Variants in ZFYVE28 observed in about 807,000 individuals in gnomAD.
The protein encoded by ZFYVE28 is zinc finger FYVE-type containing 28.
Under a neutral mutation model 82.1 loss-of-function variants are expected in ZFYVE28, and 40 were observed. The observed-to-expected ratio is 0.49, with a 90% CI of 0.38 to 0.63. The LOEUF (loss-of-function observed/expected upper bound fraction) is 0.63. ZFYVE28 is among the 30% of genes least tolerant of loss of function. The probability of loss-of-function intolerance (pLI) is 0.00; values close to 1 mark genes in which losing one functional copy is unlikely to be tolerated. For missense variants in ZFYVE28, 1,321 were observed against 1,242.1 expected, an observed-to-expected ratio of 1.06 and a Z score of -0.96; for synonymous variants, 612 against 546.1, an observed-to-expected ratio of 1.12 and a Z score of -1.68.
chr4:2,341,408 A>G lies in ZFYVE28; in HGVS notation c.318+70T>C. The G allele has an allele frequency of 6.3e-7, 1 of 1,584,856 alleles. No individual in the cohort carries two copies. The highest frequency in any genetic ancestry group is 8.6e-7 in the Non-Finnish European group (1 of 1,165,702). The stretch of plus-strand genomic sequence containing the variant: ...CCGGCACCTGCAGGCGCCCATGCAC[A>G]AGGTTCGCAGGGACTTGGCTAGACG... On this transcript the variant is annotated intron_variant, in intron 3 of 12. Transcript: ENST00000290974. This position sits in a 1 kb window ranked among gnomAD's most constrained non-coding sequence, Gnocchi z 4.5.
chr4:2,365,000 A>G, intron 1 of ZFYVE28: 2 of 656,692 alleles, frequency 3.0e-6, no homozygotes, highest in South Asian at 1.3e-4. Context: ...GTCACTCCCT[A>G]GGCGTCAGGC....
At chr4:2,312,336 A>G (rs1183548475) in intron 7 of ZFYVE28, among the ~76,000 whole-genome samples, 1 of 152,204 alleles carries the variant, frequency 6.6e-6, no homozygotes, top group Non-Finnish European at 1.5e-5. Context: ...ACAGGAGTTC[A>G]AAACCAGCCT....
intron 1 of ZFYVE28, among the ~76,000 whole-genome samples, chr4:2,379,157 C>T (rs555029022): frequency 3.3e-5 from 5 of 152,208 alleles, no homozygotes; most frequent in East Asian, 1.9e-4. Context: ...ATGCTGGCAG[C>T]AGAACCCGTG....
Position 2,355,264 on chromosome 4 carries a change from A to G in ZFYVE28, c.40-1191T>C, listed in dbSNP as rs1193472720. Among the ~76,000 whole-genome samples the G allele has an allele frequency of 2.1e-4, 3 of 14,432 alleles. 1 individual carries two copies. The highest frequency in any genetic ancestry group is 9.8e-4 in the African/African-American group (3 of 3,070). 9.5% of individuals were successfully genotyped at this position (14,432 alleles called of 152,430 possible). A position where few individuals can be genotyped will look rare whatever the true frequency, so the allele number is the denominator to read the frequency against. On this transcript the variant is annotated intron_variant, in intron 1 of 12. Coordinates refer to ENST00000290974, the MANE Select transcript of ZFYVE28 (RefSeq NM_020972.3). ...TATATATATATATATATATATATATATATATATAATGATTCTTCTTTTTTT... is the reference window on the plus strand; with the variant it reads ...TATATATATATATATATATATATATGTATATATAATGATTCTTCTTTTTTT...
Position 2,270,535 on chromosome 4 carries a change from G to A in ZFYVE28, c.*190C>T. The stretch of plus-strand genomic sequence containing the variant: ...CAAAGCTGACCTCTTGTTGGCCCCT[G>A]CAGCCGGCCCGGGGTCCCTGCAGGG... On this transcript the variant is annotated 3_prime_UTR_variant, in exon 13 of 13. Coordinates refer to ENST00000290974, the MANE Select transcript of ZFYVE28 (RefSeq NM_020972.3). 4 of 822,334 alleles carry A rather than the reference G, an allele frequency of 4.9e-6. No individual in the cohort carries two copies. The highest frequency in any genetic ancestry group is 2.7e-5 in the East Asian group (1 of 36,474). The allele number at this position is 822,334 out of a possible 1,614,324, so 50.9% of individuals were successfully genotyped here. A position where few individuals can be genotyped will look rare whatever the true frequency, so the allele number is the denominator to read the frequency against.
Position 2,274,076 on chromosome 4 carries a change from A to T in ZFYVE28, c.2192T>A (p.Phe731Tyr). 13 of 1,614,100 alleles carry T rather than the reference A, an allele frequency of 8.1e-6. No homozygotes were observed. Among genetic ancestry groups the T allele is most frequent in the Non-Finnish European group, 1.1e-5 (13 of 1,180,014 alleles). The change falls in exon 9 of 13, where the codon TTC becomes TAC. Residue 731 changes from phenylalanine (F) to tyrosine (Y), a missense_variant. Transcript: ENST00000290974. Reference sequence around the variant, plus strand: ...TGACATGACACCTGAAATGCAGACGAACAGGCGGTGGATGAGGTCGTGGCT... The same window carrying T: ...TGACATGACACCTGAAATGCAGACGTACAGGCGGTGGATGAGGTCGTGGCT... The part of the protein sequence containing the change: ...HGSHDLIHRL[F>Y]VCISGVADQL...
At chr4:2,278,875 T>C (rs1203227997) in intron 8 of ZFYVE28, among the ~76,000 whole-genome samples, 1 of 149,884 alleles carries the variant, frequency 6.7e-6, no homozygotes, top group African/African-American at 2.5e-5. Flanking sequence ...AGTCAGGAAA[T>C]GCCAAAAAAA....
chr4:2,337,680 G>A (rs569873671), intron 4 of ZFYVE28, among the ~76,000 whole-genome samples, 184 bp from the exon 5 acceptor site: 3 of 152,186 alleles, frequency 2.0e-5, no homozygotes, highest in Admixed American at 1.3e-4. Flanking sequence ...CCAGGAGTTC[G>A]AGGCACCACA....
chr4:2,318,521 C>T lies in ZFYVE28; in HGVS notation c.803+1649G>A, dbSNP rs915859530. On this transcript the variant is annotated intron_variant, in intron 7 of 12. Coordinates refer to ENST00000290974, the MANE Select transcript of ZFYVE28 (RefSeq NM_020972.3). The stretch of plus-strand genomic sequence containing the variant: ...GCAGTGAGCTGAGATCACACCACTA[C>T]ACGTGGACAGTAACGGATAAGTCCT... Among the ~76,000 whole-genome samples the T allele has an allele frequency of 2.6e-5, 4 of 152,320 alleles. No homozygotes were observed. In the East Asian group the frequency reaches 7.7e-4, roughly 29 times the overall value.
At chr4:2,378,444 T>C (rs1386172718) in intron 1 of ZFYVE28, among the ~76,000 whole-genome samples, 1 of 152,250 alleles carries the variant, frequency 6.6e-6, no homozygotes, top group Non-Finnish European at 1.5e-5. Context: ...TACTTGGAAC[T>C]CCTTTTATCT....
intron 1 of ZFYVE28, among the ~76,000 whole-genome samples, chr4:2,361,073 C>T (rs1318671265): frequency 6.6e-6 from 1 of 152,098 alleles, no homozygotes; most frequent in Non-Finnish European, 1.5e-5. Flanking sequence ...TAAATTAGAA[C>T]CTAGTAGGAA....
intron 1 of ZFYVE28, among the ~76,000 whole-genome samples, chr4:2,384,138 C>A (rs1419373420): frequency 6.6e-6 from 1 of 152,146 alleles, no homozygotes; most frequent in Non-Finnish European, 1.5e-5. Flanking sequence ...CACATTCTAC[C>A]CACAGGGAAG....
chr4:2,399,047 C>CACAAGCGTGGAGGTGAGATCCAGGGA, intron 1 of ZFYVE28, among the ~76,000 whole-genome samples: 1 of 120,412 alleles, frequency 8.3e-6, no homozygotes, highest in African/African-American at 3.5e-5. Context: ...AGATCCAGGG[C>CACAAGCGTGGAGGTGAGATCCAGGGA]ACAAGCGTGG....
intron 1 of ZFYVE28, chr4:2,364,787 G>A (rs1726646926): frequency 1.0e-6 from 1 of 985,544 alleles, no homozygotes; most frequent in Non-Finnish European, 1.2e-6. Flanking sequence ...AGGCGCCCAC[G>A]GCCTCCGAGC....
chr4:2,374,454 A>C (rs988436584), intron 1 of ZFYVE28, among the ~76,000 whole-genome samples: 7 of 152,170 alleles, frequency 4.6e-5, no homozygotes, highest in African/African-American at 1.7e-4. Flanking sequence ...TCTATAAAAA[A>C]AAACAAAAAT....
intron 1 of ZFYVE28, among the ~76,000 whole-genome samples, chr4:2,398,231 G>A (rs1730699849): frequency 6.6e-6 from 1 of 152,206 alleles, no homozygotes; most frequent in Non-Finnish European, 1.5e-5. Flanking sequence ...CCCGTGCCAG[G>A]GTGCAGGGCA....
intron 1 of ZFYVE28, among the ~76,000 whole-genome samples, chr4:2,367,137 T>C (rs977590629): frequency 1.6e-4 from 25 of 152,020 alleles, no homozygotes; most frequent in Admixed American, 1.6e-3. Context: ...AGGAGGAGAA[T>C]GGGTGGTGAG....
At chr4:2,369,655 C>T (rs1463399998) in intron 1 of ZFYVE28, among the ~76,000 whole-genome samples, 2 of 151,944 alleles carry the variant, frequency 1.3e-5, no homozygotes, top group Non-Finnish European at 2.9e-5. Context: ...GAGGAGAATG[C>T]CATGTGAAGA....
In ZFYVE28 at chr4:2,417,786, G is replaced by T. The variant is rs1255713891; in HGVS notation, c.39+499C>A. On this transcript the variant is annotated intron_variant, in intron 1 of 12. Coordinates refer to ENST00000290974, the MANE Select transcript of ZFYVE28 (RefSeq NM_020972.3). The surrounding 1 kb of genome is among the most constrained non-coding windows in gnomAD (Gnocchi z 4.8). ...TTCTCTCAGAACCTGGGGAAGTGGG[G>T]AGAGGGTCTGTTCTGGAGTGCGGAG... 2.6e-5 allele frequency among the ~76,000 whole-genome samples: 4 copies of T among 152,086 alleles called. No homozygotes were observed. Among genetic ancestry groups the T allele is most frequent in the Non-Finnish European group, 4.4e-5 (3 of 68,004 alleles).
Sources: allele counts gnomAD v4.1 joint callset (sites outside exome capture counted in the v4.1 genomes callset), GRCh38; gene constraint gnomAD v4.1.1; non-coding constraint Gnocchi (gnomAD v3.1); transcripts MANE v1.5; gene names NCBI Gene and HGNC (gene_info 2026-07-23, HGNC 2026-07-21).